WBP11: variants seen among roughly 807,000 people sequenced by gnomAD.
WBP11 encodes the protein WW domain binding protein 11, also known as WW domain-binding protein 11.
Under a neutral mutation model 66.7 loss-of-function variants are expected in WBP11, and 12 were observed. The ratio of observed to expected loss-of-function variants is 0.18; its 90% CI spans 0.12 to 0.29. The LOEUF (loss-of-function observed/expected upper bound fraction) is 0.29. WBP11 is among the 10% of genes least tolerant of loss of function. The pLI, the probability that WBP11 is intolerant of heterozygous loss-of-function variation, is 1.00. For synonymous variants in WBP11, 255 were observed against 273.8 expected (o/e 0.93, Z 0.68); for missense variants, 555 against 818.3 (o/e 0.68, Z 3.93).
Position 14,786,350 on chromosome 12 carries a change from T to C in WBP11, c.*715A>G, listed in dbSNP as rs1231385944. The C allele has an allele frequency of 6.6e-6, 1 of 152,232 alleles. No homozygotes were observed. The highest frequency in any genetic ancestry group is 1.5e-5 in the Non-Finnish European group (1 of 68,028). The allele number at this position is 152,232 out of a possible 1,614,324, so 9.4% of individuals were successfully genotyped here. On this transcript the variant is annotated 3_prime_UTR_variant, in exon 12 of 12. Transcript: ENST00000261167. ...AAAATTTAAAATGTAGTTTTTACCA[T>C]GTTTTCAGTAAGATTCTCATTCTGT...
chr12:14,789,452 G>A (rs1284025385), intron 10 of WBP11, among the ~76,000 whole-genome samples: 3 of 152,112 alleles, frequency 2.0e-5, no homozygotes, highest in Non-Finnish European at 4.4e-5. Flanking sequence ...GGGCATGGTG[G>A]CAGACACCTG....
chr12:14,788,754 T>C (rs1949786192), intron 11 of WBP11, among the ~76,000 whole-genome samples, 197 bp downstream of exon 11: 1 of 152,224 alleles, frequency 6.6e-6, no homozygotes, highest in African/African-American at 2.4e-5. Flanking sequence ...GTTCTCTGGC[T>C]ACAAGTTCCT....
At chr12:14,799,556 C>G in intron 4 of WBP11, 79 bp downstream of exon 4, 6 of 1,317,956 alleles carry the variant, frequency 4.6e-6, no homozygotes, top group African/African-American at 3.0e-5. Context: ...GTTTTACTTA[C>G]GCCTATGCTG....
intron 8 of WBP11, among the ~76,000 whole-genome samples, chr12:14,793,284 G>A (rs1056865666): frequency 6.6e-6 from 1 of 152,092 alleles, no homozygotes; most frequent in African/African-American, 2.4e-5. Context: ...GATATAATAT[G>A]TTTCATGATT....
intron 1 of WBP11, among the ~76,000 whole-genome samples, chr12:14,802,987 C>T (rs1020547026): frequency 6.6e-6 from 1 of 152,174 alleles, no homozygotes; most frequent in Non-Finnish European, 1.5e-5. Context: ...CGTTGGATAA[C>T]TCTAAACAGC....
In WBP11 at chr12:14,786,307, T is replaced by TAC. The variant is rs1163417427; in HGVS notation, c.*756_*757dup. The TAC allele has an allele frequency of 2.0e-5, 3 of 152,196 alleles. No individual in the cohort carries two copies. The highest frequency in any genetic ancestry group is 7.2e-5 in the African/African-American group (3 of 41,458). 9.4% of individuals were successfully genotyped at this position (152,196 alleles called of 1,614,324 possible). ...GACAATCTTAAAAAAGGGAAATAAT[T>TAC]ACTCCTTTTTATCCCTTAAAATTTA... On this transcript the variant is annotated 3_prime_UTR_variant, in exon 12 of 12. Transcript: ENST00000261167.
intron 8 of WBP11, among the ~76,000 whole-genome samples, chr12:14,791,588 A>G (rs1184246591): frequency 6.6e-6 from 1 of 152,246 alleles, no homozygotes; most frequent in African/African-American, 2.4e-5. Flanking sequence ...AAATCTGATA[A>G]AGAGCATAGG....
At chr12:14,791,147 C>T (rs889464683) in intron 9 of WBP11, 22 bp downstream of exon 9, 2 of 1,608,818 alleles carry the variant, frequency 1.2e-6, no homozygotes, top group Admixed American at 3.3e-5. Context: ...AAAGGTGATT[C>T]ACTATTTTTT....
At position 14,794,696 on chromosome 12, in the gene WBP11, G is replaced by A. The variant is rs985586136; in HGVS notation, c.562C>T (p.His188Tyr). ...CCAGGGGGCAAACGTGGAACACCAT[G>A]TCCAAGAAGAGGAAGGATAGAAACT... ...RAVSILPLLG[H>Y]GVPRLPPGRK... is the part of the protein sequence containing the mutation. Residue 188 changes from histidine (H) to tyrosine (Y), a missense_variant, in exon 7 of 12, where the codon CAT becomes TAT. His to Tyr is a moderately conservative substitution (Grantham distance 83). This residue lies in a region of WBP11 where 220 missense variants were observed against 268.2 expected (regional missense o/e 0.82). Transcript: ENST00000261167. The A allele has an allele frequency of 3.8e-6, 6 of 1,594,870 alleles. No individual in the cohort carries two copies. The highest frequency in any genetic ancestry group is 5.1e-6 in the Non-Finnish European group (6 of 1,172,104).
chr12:14,797,293 T>G lies in WBP11; in HGVS notation c.191-290A>C, dbSNP rs113216143. Among the ~76,000 whole-genome samples, 25 of 152,312 alleles carry G rather than the reference T, an allele frequency of 1.6e-4. 1 individual carries two copies. The highest frequency in any genetic ancestry group is 5.5e-4 in the African/African-American group (23 of 41,568). On this transcript the variant is annotated intron_variant, in intron 4 of 11. Transcript: ENST00000261167. The stretch of plus-strand genomic sequence containing the variant: ...TCTGTGCTGAAAACCTCGTGAAGAT[T>G]CTGTCAGATTTGTGTTTACCTACTA...
At chr12:14,792,924 G>A (rs1298758276) in intron 8 of WBP11, among the ~76,000 whole-genome samples, 2 of 151,882 alleles carry the variant, frequency 1.3e-5, no homozygotes, top group East Asian at 1.9e-4. Context: ...AAAAAATGGA[G>A]CTGCCATGGC....
intron 5 of WBP11, 25 bp from the exon 6 acceptor site, chr12:14,795,129 T>C: frequency 6.5e-7 from 1 of 1,539,588 alleles, no homozygotes; most frequent in Non-Finnish European, 8.7e-7. Context: ...CATTCAGTAG[T>C]ATGATAAAAA....
In WBP11 at chr12:14,788,978, G is replaced by A. The variant is rs1313635963; in HGVS notation, c.1465C>T (p.Pro489Ser). Residue 489 changes from proline to serine, a missense_variant, in exon 11 of 12, where the codon CCA becomes TCA. Transcript: ENST00000261167. ...GGAGGTGCAGGGGGAGGTAGCCTTG[G>A]TGGGGGTCCACGAGGAGGGGGACCA... ...PPGPPPRGPP[P>S]RLPPPAPPGI... 6.8e-7 allele frequency: 1 copy of A among 1,471,416 alleles called. No individual in the cohort carries two copies. The highest frequency in any genetic ancestry group is 2.7e-5 in the East Asian group (1 of 36,606). 91.1% of individuals were successfully genotyped at this position (1,471,416 alleles called of 1,614,324 possible). A position where few individuals can be genotyped will look rare whatever the true frequency, so the allele number is the denominator to read the frequency against.
chr12:14,800,327 C>G (rs954033478), intron 3 of WBP11, among the ~76,000 whole-genome samples: 1 of 151,584 alleles, frequency 6.6e-6, no homozygotes, highest in African/African-American at 2.4e-5. Context: ...ATATATAAAT[C>G]TAATATATCT....
chr12:14,790,833 T>A (rs538886067), intron 9 of WBP11, 84 bp from the exon 10 acceptor site: 1 of 1,309,950 alleles, frequency 7.6e-7, no homozygotes, highest in South Asian at 1.4e-5. Context: ...TACACATGGT[T>A]AATAAATGTG....
At chr12:14,801,507 A>G (rs1592224161) in intron 1 of WBP11, 79 bp from the exon 2 acceptor site, 1 of 897,368 alleles carries the variant, frequency 1.1e-6, no homozygotes, top group East Asian at 2.6e-5. Flanking sequence ...CCAATCTCTG[A>G]AAAAAAATTC....
At position 14,795,007 on chromosome 12, in the gene WBP11, T is replaced by C; in HGVS notation, c.485A>G (p.Gln162Arg). 6.2e-7 allele frequency: 1 copy of C among 1,612,400 alleles called. No individual in the cohort carries two copies. Among genetic ancestry groups the C allele is most frequent in the Non-Finnish European group, 8.5e-7 (1 of 1,180,018 alleles). Reference protein sequence around the residue: ...LIQDIPLPGAQPPSILKKTSA... With the variant: ...LIQDIPLPGARPPSILKKTSA... Reference sequence around the variant, plus strand: ...GGTTTTCTTTAGGATAGAGGGTGGCTGGGCACCAGGAAGTGGAATGTCCTG... The same window carrying C: ...GGTTTTCTTTAGGATAGAGGGTGGCCGGGCACCAGGAAGTGGAATGTCCTG... The change falls in exon 6 of 12, where the codon CAG becomes CGG. Residue 162 changes from glutamine (Q) to arginine (R), a missense_variant. By Grantham distance (43) the Gln-to-Arg change is conservative. This residue lies in a region of WBP11 where 220 missense variants were observed against 268.2 expected (regional missense o/e 0.82). Coordinates refer to ENST00000261167, the MANE Select transcript of WBP11 (RefSeq NM_016312.3).
chr12:14,787,807 TTCTATTCCAGCTGCATA>T (rs1949771320), intron 11 of WBP11, among the ~76,000 whole-genome samples: 1 of 152,196 alleles, frequency 6.6e-6, no homozygotes. Context: ...CATCCCAAGG[TTCTATTCCAGCTGCATA>T]GTGCAGGTAT....
intron 8 of WBP11, among the ~76,000 whole-genome samples, chr12:14,792,196 A>G (rs1195439808): frequency 6.6e-6 from 1 of 152,202 alleles, no homozygotes; most frequent in Non-Finnish European, 1.5e-5. Context: ...TCTAAAAGCC[A>G]GCAATCTAAT....
Sources: gnomAD v4.1 joint callset for allele counts (sites outside exome capture counted in the v4.1 genomes callset) on GRCh38, gnomAD v4.1.1 for gene constraint, gnomAD v4.1.1 regional missense constraint, MANE v1.5 for transcripts, NCBI Gene and HGNC (gene_info 2026-07-23, HGNC 2026-07-21) for gene names.